MPDZ: variants seen among roughly 807,000 people sequenced by gnomAD.
The protein encoded by MPDZ is multiple PDZ domain protein.
MPDZ carries 234 observed loss-of-function variants against 239.1 expected under a neutral mutation model. The ratio of observed to expected loss-of-function variants is 0.98; its 90% CI spans 0.88 to 1.09. The LOEUF (loss-of-function observed/expected upper bound fraction) is 1.09, where lower values mean the gene tolerates loss of function less well. Ranked by LOEUF, MPDZ falls within the 50% of genes least tolerant of loss-of-function variation. The probability of loss-of-function intolerance (pLI) is 0.00; values close to 1 mark genes in which losing one functional copy is unlikely to be tolerated. For synonymous variants in MPDZ, 1,048 were observed against 881.3 expected, an observed-to-expected ratio of 1.19 and a Z score of -3.35; for missense variants, 3,175 against 2,510.0, an observed-to-expected ratio of 1.26 and a Z score of -5.66.
chr9:13,196,947 A>G (rs1337426875), intron 12 of MPDZ, among the ~76,000 whole-genome samples: 1 of 151,880 alleles, frequency 6.6e-6, no homozygotes, highest in African/African-American at 2.4e-5. Context: ...AATCTCTATT[A>G]GGCACTATTC....
At chr9:13,260,138 G>T (rs748359048) in intron 1 of MPDZ, among the ~76,000 whole-genome samples, 5 of 151,954 alleles carry the variant, frequency 3.3e-5, no homozygotes, top group Non-Finnish European at 7.4e-5. Flanking sequence ...ACTGCACCCA[G>T]CCATTAAAGA....
rs1479197760 is a variant in MPDZ at position 13,279,406 on chromosome 9, C to CG, written c.-65dup. The CG allele has an allele frequency of 6.8e-6, 1 of 146,864 alleles. No individual in the cohort carries two copies. Among genetic ancestry groups the CG allele is most frequent in the Admixed American group, 6.7e-5 (1 of 14,852 alleles). 9.1% of individuals were successfully genotyped at this position (146,864 alleles called of 1,614,324 possible). ...GGGCTCAAGCGCCGCTTACCCGGCT[C>CG]GCGGCGCCCGCCCAGGGCCGCGACG... On this transcript the variant is annotated 5_prime_UTR_variant, in exon 1 of 47. Transcript: ENST00000319217.
At chr9:13,127,706 A>G (rs980823283) in intron 32 of MPDZ, among the ~76,000 whole-genome samples, 2 of 152,156 alleles carry the variant, frequency 1.3e-5, no homozygotes, top group Non-Finnish European at 2.9e-5. Flanking sequence ...TCTGAGGTAG[A>G]TTATTAATGC....
chr9:13,148,077 C>T (rs895770778), intron 25 of MPDZ, among the ~76,000 whole-genome samples: 16 of 151,838 alleles, frequency 1.1e-4, no homozygotes, highest in Non-Finnish European at 2.2e-4. Flanking sequence ...AGGGGTGATG[C>T]CTTGTATAAT....
intron 1 of MPDZ, among the ~76,000 whole-genome samples, chr9:13,263,043 T>G (rs1405605241): frequency 4.6e-5 from 7 of 152,078 alleles, no homozygotes; most frequent in Non-Finnish European, 1.0e-4. Context: ...GTAAGGAAAC[T>G]GTATTTTTAT....
intron 10 of MPDZ, among the ~76,000 whole-genome samples, chr9:13,212,178 T>G (rs1009815887): frequency 6.6e-6 from 1 of 152,094 alleles, no homozygotes; most frequent in Non-Finnish European, 1.5e-5. Flanking sequence ...GTTTAAAAAC[T>G]GTGTTTTTTT....
chr9:13,157,877 A>G, intron 24 of MPDZ, 141 bp downstream of exon 24: 1 of 681,896 alleles, frequency 1.5e-6, no homozygotes, highest in South Asian at 1.8e-5. Context: ...TGTATACATT[A>G]AAAAATGATG....
chr9:13,127,406 C>T (rs961737501), intron 32 of MPDZ, among the ~76,000 whole-genome samples: 5 of 152,214 alleles, frequency 3.3e-5, no homozygotes, highest in African/African-American at 1.2e-4. Flanking sequence ...TTCCACATTT[C>T]CCTTTATCAA....
chr9:13,185,831 T>C (rs547943540), intron 18 of MPDZ, among the ~76,000 whole-genome samples: 1 of 152,252 alleles, frequency 6.6e-6, no homozygotes, highest in South Asian at 2.1e-4. Context: ...AAAACTGGTG[T>C]TCTTAATAAC....
intron 32 of MPDZ, among the ~76,000 whole-genome samples, chr9:13,132,081 C>G (rs1263823026): frequency 6.6e-6 from 1 of 152,208 alleles, no homozygotes; most frequent in Non-Finnish European, 1.5e-5. Context: ...TAAATGGAAG[C>G]TTTCAGCGGG....
At chr9:13,161,472 G>A (rs1014382881) in intron 23 of MPDZ, among the ~76,000 whole-genome samples, 3 of 152,154 alleles carry the variant, frequency 2.0e-5, no homozygotes, top group East Asian at 1.9e-4. Flanking sequence ...TCAGGAGGCC[G>A]AGGCAGAAGA....
At position 13,240,985 on chromosome 9, in the gene MPDZ, T is replaced by C. The variant is rs181009479; in HGVS notation, c.183+6650A>G. Among the ~76,000 whole-genome samples the C allele has an allele frequency of 1.5e-3, 228 of 152,314 alleles. 1 individual carries two copies. The highest frequency in any genetic ancestry group is 5.2e-3 in the African/African-American group (216 of 41,582). On this transcript the variant is annotated intron_variant, in intron 3 of 46. Coordinates refer to ENST00000319217, the MANE Select transcript of MPDZ (RefSeq NM_001378778.1). ...ATTTGCTGTTTTAGACACACATGCA[T>C]AGCCAATAGCAAGATGGTGTTGCAT...
Position 13,199,902 on chromosome 9 carries a change from G to A in MPDZ, c.1547-3672C>T, listed in dbSNP as rs181811391. On this transcript the variant is annotated intron_variant, in intron 12 of 46. Coordinates refer to ENST00000319217, the MANE Select transcript of MPDZ (RefSeq NM_001378778.1). ...GATTTTTGCAACTACGTTCATGAAG[G>A]ATTTGTAGTTTTCTTTTTGTTGTGT... Among the ~76,000 whole-genome samples the A allele has an allele frequency of 1.8e-3, 275 of 152,124 alleles. 1 individual carries two copies. The highest frequency in any genetic ancestry group is 6.3e-3 in the African/African-American group (261 of 41,552).
chr9:13,204,689 G>T, intron 12 of MPDZ, among the ~76,000 whole-genome samples: 1 of 152,182 alleles, frequency 6.6e-6, no homozygotes, highest in Middle Eastern at 3.4e-3. Flanking sequence ...ATTACTGTTA[G>T]TTTATGTTGG....
At chr9:13,270,976 A>T (rs139354069) in intron 1 of MPDZ, among the ~76,000 whole-genome samples, 237 of 152,276 alleles carry the variant, frequency 1.6e-3, no homozygotes, top group Non-Finnish European at 2.0e-3. Flanking sequence ...GGTGAGGAAT[A>T]TTTAGCAAGC....
At chr9:13,231,064 A>G (rs1050397237) in intron 3 of MPDZ, among the ~76,000 whole-genome samples, 22 of 152,180 alleles carry the variant, frequency 1.4e-4, no homozygotes, top group Non-Finnish European at 2.9e-4. Context: ...AAAAAAGTCA[A>G]AAAGTTGATC....
At chr9:13,175,249 AT>A (rs1296949359) in intron 21 of MPDZ, among the ~76,000 whole-genome samples, 1 of 152,196 alleles carries the variant, frequency 6.6e-6, no homozygotes, top group African/African-American at 2.4e-5. Flanking sequence ...GGACAAAAAA[AT>A]CCTGCCACCT....
intron 13 of MPDZ, among the ~76,000 whole-genome samples, chr9:13,195,723 A>G (rs894350896): frequency 6.6e-6 from 1 of 152,160 alleles, no homozygotes; most frequent in Non-Finnish European, 1.5e-5. Flanking sequence ...AAAGAGTAGA[A>G]AAGAGTCCTT....
chr9:13,257,404 G>T (rs1969692917), intron 1 of MPDZ, among the ~76,000 whole-genome samples: 2 of 152,080 alleles, frequency 1.3e-5, no homozygotes, highest in African/African-American at 4.8e-5. Context: ...ACTTGGAATT[G>T]AACCCTACTG....
Sources: gnomAD v4.1 joint callset for allele counts (sites outside exome capture counted in the v4.1 genomes callset) on GRCh38, gnomAD v4.1.1 for gene constraint, MANE v1.5 for transcripts, NCBI Gene and HGNC (gene_info 2026-07-23, HGNC 2026-07-21) for gene names.